FNBP1L: variants seen among roughly 807,000 people sequenced by gnomAD.
The protein encoded by FNBP1L is formin binding protein 1 like.
In FNBP1L, 36 loss-of-function variants were observed where a neutral mutation model predicts 91.2. The observed-to-expected ratio is 0.39, with a 90% CI of 0.30 to 0.52. FNBP1L has a LOEUF of 0.52. Among genes scored for constraint, FNBP1L ranks in the 20% least tolerant of loss-of-function variants. The probability of loss-of-function intolerance (pLI) is 0.66; values close to 1 mark genes in which losing one functional copy is unlikely to be tolerated. For synonymous variants in FNBP1L, 242 were observed against 237.0 expected (o/e 1.02, Z -0.19); for missense variants, 571 against 732.1 (o/e 0.78, Z 2.54).
intron 2 of FNBP1L, among the ~76,000 whole-genome samples, chr1:93,519,603 C>T (rs1437050963): frequency 1.3e-5 from 2 of 152,134 alleles, no homozygotes; most frequent in Non-Finnish European, 2.9e-5. Flanking sequence ...CATATGACTG[C>T]ACAGTTTGTA....
intron 1 of FNBP1L, among the ~76,000 whole-genome samples, chr1:93,489,077 A>G (rs138811370): frequency 3.2e-4 from 49 of 152,342 alleles, no homozygotes; most frequent in African/African-American, 1.2e-3. Flanking sequence ...TGAATTTCAA[A>G]GCACAACTAG....
chr1:93,456,758 A>G (rs1668679949), intron 1 of FNBP1L, among the ~76,000 whole-genome samples: 1 of 151,168 alleles, frequency 6.6e-6, no homozygotes, highest in Admixed American at 6.6e-5. Context: ...AGCTTGGGTG[A>G]TAGAGCAAGA....
intron 14 of FNBP1L, among the ~76,000 whole-genome samples, chr1:93,548,636 T>C (rs1672313024): frequency 6.6e-6 from 1 of 152,176 alleles, no homozygotes; most frequent in African/African-American, 2.4e-5. Context: ...TCCCTAGGAC[T>C]CAATTTCTCT....
In FNBP1L at chr1:93,550,937, T is replaced by C. The variant is rs1672391976; in HGVS notation, c.1652-10T>C. On this transcript the variant is annotated splice_polypyrimidine_tract_variant and intron_variant, in intron 15 of 16. Transcript: ENST00000271234. Reference sequence around the variant, plus strand: ...ATGCTTAAATTATGCTTGTGAAAACTCTCATCTAGGACATAATGAAGGTAC... The same window carrying C: ...ATGCTTAAATTATGCTTGTGAAAACCCTCATCTAGGACATAATGAAGGTAC... 2 of 1,531,688 alleles carry C rather than the reference T, an allele frequency of 1.3e-6. No homozygotes were observed. Among genetic ancestry groups the C allele is most frequent in the African/African-American group, 1.4e-5 (1 of 72,010 alleles). The allele number at this position is 1,531,688 out of a possible 1,614,324, so 94.9% of individuals were successfully genotyped here.
intron 2 of FNBP1L, among the ~76,000 whole-genome samples, chr1:93,520,742 A>G (rs940168776): frequency 1.3e-5 from 2 of 152,180 alleles, no homozygotes; most frequent in Non-Finnish European, 2.9e-5. Context: ...CCAAGGTCAC[A>G]TAGGTACTAC....
At chr1:93,453,242 T>C in intron 1 of FNBP1L, among the ~76,000 whole-genome samples, 1 of 152,238 alleles carries the variant, frequency 6.6e-6, no homozygotes, top group East Asian at 1.9e-4. Flanking sequence ...ACAGACGTTA[T>C]TGCTATTAGT....
intron 2 of FNBP1L, among the ~76,000 whole-genome samples, chr1:93,505,859 A>G (rs1670591788): frequency 6.6e-6 from 1 of 152,114 alleles, no homozygotes; most frequent in Non-Finnish European, 1.5e-5. Flanking sequence ...TTGTATTTTT[A>G]GTAGAGACGG....
At chr1:93,551,667 A>T (rs1355722884) in intron 16 of FNBP1L, 1 of 984,920 alleles carries the variant, frequency 1.0e-6, no homozygotes, top group Non-Finnish European at 1.2e-6. Flanking sequence ...TTGGTTTCCT[A>T]AAGGAAGAAA....
At chr1:93,499,962 G>A (rs1445547265) in intron 2 of FNBP1L, among the ~76,000 whole-genome samples, 3 of 152,114 alleles carry the variant, frequency 2.0e-5, no homozygotes, top group Admixed American at 2.0e-4. Flanking sequence ...TTCAGAGTTT[G>A]TAAGACTTGG....
At chr1:93,523,554 G>C in intron 4 of FNBP1L, 63 bp downstream of exon 4, 1 of 1,436,150 alleles carries the variant, frequency 7.0e-7, no homozygotes, top group Non-Finnish European at 9.4e-7. Flanking sequence ...GAAACACTTT[G>C]TTTTCTTTAA....
At chr1:93,548,358 C>A (rs572603403) in intron 14 of FNBP1L, among the ~76,000 whole-genome samples, 1 of 152,130 alleles carries the variant, frequency 6.6e-6, no homozygotes, top group East Asian at 1.9e-4. Flanking sequence ...TCATTTGATT[C>A]TTCAGCAAAA....
chr1:93,533,590 T>G (rs1054742871), intron 8 of FNBP1L, among the ~76,000 whole-genome samples: 2 of 152,034 alleles, frequency 1.3e-5, no homozygotes, highest in African/African-American at 4.8e-5. Context: ...AAATGTTGAT[T>G]GAGTGATCAA....
At chr1:93,551,710 A>G (rs1199586725) in intron 16 of FNBP1L, 1 of 984,940 alleles carries the variant, frequency 1.0e-6, no homozygotes, top group Non-Finnish European at 1.2e-6. Flanking sequence ...ATTTAAGTAG[A>G]TTTAAAGAGA....
intron 11 of FNBP1L, 113 bp downstream of exon 11, chr1:93,541,169 G>T: frequency 9.6e-7 from 1 of 1,042,412 alleles, no homozygotes; most frequent in Non-Finnish European, 1.4e-6. Context: ...CACCTTGTGT[G>T]TTTTTTCTTT....
Position 93,552,707 on chromosome 1 carries a change from T to C in FNBP1L, c.*291T>C. The C allele has an allele frequency of 3.2e-6, 1 of 313,422 alleles. No individual in the cohort carries two copies. Among genetic ancestry groups the C allele is most frequent in the Non-Finnish European group, 5.8e-6 (1 of 173,024 alleles). The allele number at this position is 313,422 out of a possible 1,614,324, so 19.4% of individuals were successfully genotyped here. ...TTATTGCTGTCTAATCAATAAAGAA[T>C]GCAGAGCTGTCAAAAAATGTGTCTT... On this transcript the variant is annotated 3_prime_UTR_variant, in exon 17 of 17. Transcript: ENST00000271234.
intron 3 of FNBP1L, among the ~76,000 whole-genome samples, chr1:93,522,698 T>A (rs1671370263): frequency 6.6e-6 from 1 of 152,176 alleles, no homozygotes; most frequent in Admixed American, 6.5e-5. Flanking sequence ...GGTTTAGTGT[T>A]AATGGAGTCC....
At chr1:93,448,852 T>A (rs1279653249) in intron 1 of FNBP1L, among the ~76,000 whole-genome samples, 1 of 151,948 alleles carries the variant, frequency 6.6e-6, no homozygotes, top group Non-Finnish European at 1.5e-5. Context: ...CCAGGCGGCT[T>A]TGTTCGGAGC....
chr1:93,466,966 C>T (rs1309415749), intron 1 of FNBP1L, among the ~76,000 whole-genome samples: 1 of 152,168 alleles, frequency 6.6e-6, no homozygotes, highest in African/African-American at 2.4e-5. Context: ...AAGCTATTCT[C>T]CTGCCTCAGC....
chr1:93,479,493 T>A (rs1326582386), intron 1 of FNBP1L, among the ~76,000 whole-genome samples: 2 of 152,134 alleles, frequency 1.3e-5, no homozygotes, highest in African/African-American at 4.8e-5. Flanking sequence ...CCCACTCTAG[T>A]GAGCCTGAGG....
Sources: gnomAD v4.1 joint callset for allele counts (sites outside exome capture counted in the v4.1 genomes callset) on GRCh38, gnomAD v4.1.1 for gene constraint, MANE v1.5 for transcripts, NCBI Gene and HGNC (gene_info 2026-07-23, HGNC 2026-07-21) for gene names.